DOCK10: variants seen among roughly 807,000 people sequenced by gnomAD.
DOCK10 encodes dedicator of cytokinesis protein 10.
A neutral mutation model predicts 280.1 loss-of-function variants in DOCK10; 145 were observed. The observed-to-expected ratio is 0.52, with a 90% CI of 0.45 to 0.59. The LOEUF is 0.59. Among genes scored for constraint, DOCK10 ranks in the 20% least tolerant of loss-of-function variants. The pLI is 0.00. For missense variants in DOCK10, 2,368 were observed against 2,651.7 expected, an observed-to-expected ratio of 0.89 and a Z score of 2.35; for synonymous variants, 915 against 942.2, an observed-to-expected ratio of 0.97 and a Z score of 0.53.
At chr2:225,029,340 T>G (rs1690012469) in intron 1 of DOCK10, among the ~76,000 whole-genome samples, 1 of 152,142 alleles carries the variant, frequency 6.6e-6, no homozygotes, top group Admixed American at 6.5e-5. Context: ...GTTGGCTAAC[T>G]TTTGTATTTT....
intron 13 of DOCK10, among the ~76,000 whole-genome samples, chr2:224,863,698 G>A (rs1450589267): frequency 6.6e-6 from 1 of 152,172 alleles, no homozygotes; most frequent in African/African-American, 2.4e-5. Context: ...GTGATCGCCT[G>A]CCTCAACCTC....
Position 224,793,380 on chromosome 2 carries a change from C to G in DOCK10, c.5212+20G>C. ...GTGTTGATATCTAGGCTTTTTGCCT[C>G]CCTCATGTGGTCATCTTACCCTTTC... On this transcript the variant is annotated intron_variant, in intron 46 of 55. Transcript: ENST00000258390. 6.2e-7 allele frequency: 1 copy of G among 1,603,332 alleles called. No homozygotes were observed. The highest frequency in any genetic ancestry group is 8.5e-7 in the Non-Finnish European group (1 of 1,174,468).
At chr2:224,936,020 T>C (rs1373673302) in intron 1 of DOCK10, among the ~76,000 whole-genome samples, 1 of 152,222 alleles carries the variant, frequency 6.6e-6, no homozygotes, top group Admixed American at 6.5e-5. Flanking sequence ...GTGGAGATTA[T>C]ACCCAATGAG....
chr2:224,804,106 C>A lies in DOCK10; in HGVS notation c.4268+6G>T. The A allele has an allele frequency of 6.3e-7, 1 of 1,586,396 alleles. No homozygotes were observed. Among genetic ancestry groups the A allele is most frequent in the African/African-American group, 1.3e-5 (1 of 74,232 alleles). ...AATTTTAAATACCAAGCAAATGTGA[C>A]ATTACCATTGTGACAAGAGACCTGA... On this transcript the variant is annotated splice_donor_region_variant and intron_variant, in intron 39 of 55. Transcript: ENST00000258390.
intron 3 of DOCK10, among the ~76,000 whole-genome samples, chr2:224,898,599 C>T (rs1242497229): frequency 2.0e-5 from 3 of 152,070 alleles, no homozygotes; most frequent in Admixed American, 1.3e-4. Flanking sequence ...TTTTTTGAGA[C>T]GGAGTCTCGC....
chr2:224,877,961 T>C (rs750688918), intron 7 of DOCK10, among the ~76,000 whole-genome samples: 1 of 152,174 alleles, frequency 6.6e-6, no homozygotes, highest in Admixed American at 6.5e-5. Flanking sequence ...AGCTTACTCA[T>C]AATTGTAATA....
rs564871338 is a variant in DOCK10 at position 224,788,955 on chromosome 2, G to C, written c.5418+109C>G. The C allele has an allele frequency of 4.5e-6, 3 of 673,788 alleles. No homozygotes were observed. The Admixed American group carries it at 8.4e-5, about 19-fold the overall frequency. 41.7% of individuals were successfully genotyped at this position (673,788 alleles called of 1,614,324 possible). Reference sequence around the variant, plus strand: ...CCTGCATTTCATTTTGTCTAATTAAGTTATATTATAAAATAGCTGTAAGCT... The same window carrying C: ...CCTGCATTTCATTTTGTCTAATTAACTTATATTATAAAATAGCTGTAAGCT... On this transcript the variant is annotated intron_variant, in intron 48 of 55. Coordinates refer to ENST00000258390, the MANE Select transcript of DOCK10 (RefSeq NM_014689.3).
At chr2:224,989,380 G>T (rs542807428) in intron 1 of DOCK10, among the ~76,000 whole-genome samples, 1 of 152,326 alleles carries the variant, frequency 6.6e-6, no homozygotes, top group South Asian at 2.1e-4. Context: ...GCTCAGAAAT[G>T]ATTAGTGGAA....
chr2:224,818,039 C>T (rs2125305675), intron 29 of DOCK10, among the ~76,000 whole-genome samples: 2 of 152,334 alleles, frequency 1.3e-5, no homozygotes, highest in South Asian at 4.1e-4. Context: ...GCAGGTTGCT[C>T]ACACACTTCC....
intron 1 of DOCK10, among the ~76,000 whole-genome samples, chr2:225,024,642 C>T (rs1689869516): frequency 6.6e-6 from 1 of 151,922 alleles, no homozygotes; most frequent in South Asian, 2.1e-4. Context: ...ATAATCCCAG[C>T]ACTTTGGGAG....
intron 7 of DOCK10, among the ~76,000 whole-genome samples, chr2:224,879,777 A>C (rs1242117809): frequency 6.6e-6 from 1 of 152,086 alleles, no homozygotes. Context: ...AAAAAAAATT[A>C]AAAAAGAAAG....
At chr2:224,806,664 G>A (rs191050462) in intron 33 of DOCK10, among the ~76,000 whole-genome samples, 38 of 152,120 alleles carry the variant, frequency 2.5e-4, no homozygotes, top group Non-Finnish European at 4.6e-4. Flanking sequence ...CAGTGCAATG[G>A]CATGATTATA....
Position 224,885,720 on chromosome 2 carries a change from T to C in DOCK10, c.698A>G (p.Lys233Arg). The C allele has an allele frequency of 6.2e-7, 1 of 1,613,728 alleles. No individual in the cohort carries two copies. The highest frequency in any genetic ancestry group is 2.2e-5 in the East Asian group (1 of 44,840). ...MNFYKDEKIS[K>R]EPKGCIFLDS... ...CAAAAAGATGCATCCTTTGGGTTCTTTGGATATTTTCTCATCTTTGTAAAA... is the reference window on the plus strand; with the variant it reads ...CAAAAAGATGCATCCTTTGGGTTCTCTGGATATTTTCTCATCTTTGTAAAA... Residue 233 changes from lysine (K) to arginine (R), a missense_variant, in exon 7 of 56, where the codon AAA becomes AGA. Around this residue, in one of 2 missense-constraint regions of DOCK10, gnomAD observed 1,209 missense variants for 1,250.9 expected, o/e 0.97. Transcript: ENST00000258390.
intron 1 of DOCK10, among the ~76,000 whole-genome samples, chr2:225,003,905 G>A (rs998059860): frequency 6.6e-6 from 1 of 152,162 alleles, no homozygotes; most frequent in Non-Finnish European, 1.5e-5. Context: ...TCATAATAGA[G>A]CTCACTGTTA....
intron 1 of DOCK10, among the ~76,000 whole-genome samples, chr2:224,965,554 T>G (rs1395968463): frequency 2.0e-5 from 3 of 152,244 alleles, no homozygotes; most frequent in African/African-American, 7.2e-5. Context: ...GAAATTATCT[T>G]ATTTCCCTTT....
chr2:224,917,470 T>C (rs531125041), intron 2 of DOCK10, among the ~76,000 whole-genome samples: 3 of 152,236 alleles, frequency 2.0e-5, no homozygotes, highest in Admixed American at 6.5e-5. Context: ...GTAAATAATC[T>C]CAAATATCAA....
intron 21 of DOCK10, 43 bp downstream of exon 21, chr2:224,845,159 CT>C: frequency 6.5e-7 from 1 of 1,534,420 alleles, no homozygotes; most frequent in East Asian, 2.4e-5. Flanking sequence ...TGCCATTAAG[CT>C]GGTGTGCTTT....
intron 31 of DOCK10, among the ~76,000 whole-genome samples, chr2:224,808,480 C>T (rs1693549126): frequency 6.6e-6 from 1 of 152,050 alleles, no homozygotes; most frequent in Non-Finnish European, 1.5e-5. Context: ...TTTGTGGGAA[C>T]AGACAGAGGC....
At chr2:224,987,735 C>T (rs1706010124) in intron 1 of DOCK10, among the ~76,000 whole-genome samples, 1 of 152,168 alleles carries the variant, frequency 6.6e-6, no homozygotes, top group Non-Finnish European at 1.5e-5. Context: ...GCAGAGTATT[C>T]TAGCTCCCCA....
Sources: gnomAD v4.1 joint callset for allele counts (sites outside exome capture counted in the v4.1 genomes callset) on GRCh38, gnomAD v4.1.1 for gene constraint, gnomAD v4.1.1 regional missense constraint, MANE v1.5 for transcripts, NCBI Gene and HGNC (gene_info 2026-07-23, HGNC 2026-07-21) for gene names.